Variants in ATL2 observed in about 807,000 individuals in gnomAD.
The protein encoded by ATL2 is atlastin-2.
In ATL2, 31 loss-of-function variants were observed where a neutral mutation model predicts 73.9. That is an observed-to-expected ratio of 0.42 (90% CI 0.32 to 0.57). The LOEUF is 0.57. Among genes scored for constraint, ATL2 ranks in the 20% least tolerant of loss-of-function variants. The probability of loss-of-function intolerance (pLI) is 0.14; values close to 1 mark genes in which losing one functional copy is unlikely to be tolerated. For missense variants in ATL2, 738 were observed against 702.6 expected (o/e 1.05, Z -0.57); for synonymous variants, 291 against 237.5 (o/e 1.23, Z -2.07).
intron 8 of ATL2, 72 bp downstream of exon 8, chr2:38,310,237 C>G: frequency 6.6e-7 from 1 of 1,519,740 alleles, no homozygotes; most frequent in South Asian, 1.2e-5. Flanking sequence ...TTTAAGGCGT[C>G]ATGTATTTTC....
intron 2 of ATL2, among the ~76,000 whole-genome samples, chr2:38,326,489 A>G (rs1404781742): frequency 6.6e-6 from 1 of 152,246 alleles, no homozygotes; most frequent in Non-Finnish European, 1.5e-5. Flanking sequence ...CAGATATGAT[A>G]TATTTCAGAA....
intron 9 of ATL2, among the ~76,000 whole-genome samples, chr2:38,304,028 C>G (rs1191172342): frequency 6.6e-6 from 1 of 152,112 alleles, no homozygotes; most frequent in Non-Finnish European, 1.5e-5. Context: ...CCTTGGCAGG[C>G]TGAGATGGGA....
chr2:38,330,019 C>T (rs541894772), intron 2 of ATL2, among the ~76,000 whole-genome samples: 1 of 152,064 alleles, frequency 6.6e-6, no homozygotes, highest in East Asian at 1.9e-4. Context: ...ATCCCAGCTA[C>T]TGTGGAGGCT....
At chr2:38,329,055 G>C (rs934960144) in intron 2 of ATL2, among the ~76,000 whole-genome samples, 1 of 146,656 alleles carries the variant, frequency 6.8e-6, no homozygotes, top group Non-Finnish European at 1.5e-5. Context: ...TAGTAACTTA[G>C]TTGAAATGGA....
chr2:38,377,955 C>T (rs1672082532), upstream of ATL2, among the ~76,000 whole-genome samples: 1 of 152,188 alleles, frequency 6.6e-6, no homozygotes, highest in Admixed American at 6.5e-5. Context: ...GCCCTGTGCT[C>T]CTAGCACCTT....
chr2:38,339,167 G>GACTGCGCT (rs1199558307), intron 2 of ATL2, among the ~76,000 whole-genome samples: 11 of 152,130 alleles, frequency 7.2e-5, no homozygotes, highest in African/African-American at 2.7e-4. Context: ...AGTGAGCCGA[G>GACTGCGCT]ACTGCGCTAC....
chr2:38,318,814 G>A lies in ATL2; in HGVS notation c.498+71C>T, dbSNP rs1668167781. 5 of 1,521,424 alleles carry A rather than the reference G, an allele frequency of 3.3e-6. No homozygotes were observed. The Admixed American group carries it at 7.6e-5, about 23-fold the overall frequency. The allele number at this position is 1,521,424 out of a possible 1,614,324, so 94.2% of individuals were successfully genotyped here. On this transcript the variant is annotated intron_variant, in intron 3 of 12. Coordinates refer to ENST00000378954, the MANE Select transcript of ATL2 (RefSeq NM_001135673.4). ...TATCAAACATTAATAGTTCTGTGTTGTTTTGATTTTTAATACTGGAAAATA... is the reference window on the plus strand; with the variant it reads ...TATCAAACATTAATAGTTCTGTGTTATTTTGATTTTTAATACTGGAAAATA...
At chr2:38,297,561 C>A (rs759369651) in intron 12 of ATL2, among the ~76,000 whole-genome samples, 1 of 152,146 alleles carries the variant, frequency 6.6e-6, no homozygotes, top group Non-Finnish European at 1.5e-5. Flanking sequence ...AAGATTACGA[C>A]GGAGCATGGT....
intron 1 of ATL2, among the ~76,000 whole-genome samples, chr2:38,373,708 A>G (rs1038080427): frequency 6.6e-6 from 1 of 152,260 alleles, no homozygotes; most frequent in Non-Finnish European, 1.5e-5. Context: ...GACACGTTCC[A>G]TAACTTGGAA....
chr2:38,330,553 A>G (rs933837627), intron 2 of ATL2, among the ~76,000 whole-genome samples: 1 of 152,340 alleles, frequency 6.6e-6, no homozygotes, highest in South Asian at 2.1e-4. Flanking sequence ...AACAAATTCA[A>G]TTTGTTTCAA....
chr2:38,318,770 A>T (rs1668165267), intron 3 of ATL2, 115 bp downstream of exon 3: 2 of 1,349,738 alleles, frequency 1.5e-6, no homozygotes, highest in Middle Eastern at 1.9e-4. Context: ...ATTTGACATA[A>T]TAATCCGTAT....
Position 38,377,246 on chromosome 2 carries a change from G to A in ATL2, c.15C>T (p.Asp5=), listed in dbSNP as rs771011648. 3.5e-5 allele frequency: 55 copies of A among 1,589,944 alleles called. No individual in the cohort carries two copies. Among genetic ancestry groups the A allele is most frequent in the East Asian group, 4.6e-5 (2 of 43,728 alleles). The part of the protein sequence containing the change: MAEG[D]EAARGQQPHQ... ...GCGGTTGCTGCCCTCGCGCTGCCTC[G>A]TCCCCCTCCGCCATCTTGTACCGAT... The change falls in exon 1 of 13, where the codon GAC becomes GAT. Residue 5 remains aspartate, a synonymous_variant. Transcript: ENST00000378954.
chr2:38,301,663 G>T (rs560198131), intron 9 of ATL2, among the ~76,000 whole-genome samples: 1 of 152,236 alleles, frequency 6.6e-6, no homozygotes, highest in Non-Finnish European at 1.5e-5. Context: ...CACCCATGGA[G>T]GAAGAATTTA....
At chr2:38,354,587 T>C (rs2124447323) in intron 1 of ATL2, among the ~76,000 whole-genome samples, 1 of 152,102 alleles carries the variant, frequency 6.6e-6, no homozygotes, top group East Asian at 1.9e-4. Context: ...AAAAAAGGTA[T>C]AGCTTAAAAA....
At chr2:38,354,469 G>T (rs1210289891) in intron 1 of ATL2, among the ~76,000 whole-genome samples, 1 of 152,122 alleles carries the variant, frequency 6.6e-6, no homozygotes. Context: ...ACACCCTAAG[G>T]TTATGATTTT....
intron 1 of ATL2, among the ~76,000 whole-genome samples, chr2:38,347,900 G>A (rs1670118968): frequency 6.6e-6 from 1 of 151,476 alleles, no homozygotes; most frequent in Non-Finnish European, 1.5e-5. Flanking sequence ...CAGAGTAGCT[G>A]GAACAACAGA....
intron 2 of ATL2, among the ~76,000 whole-genome samples, chr2:38,338,398 G>C (rs1669498919): frequency 1.3e-5 from 2 of 152,024 alleles, no homozygotes; most frequent in African/African-American, 2.4e-5. Context: ...CCAAACATCA[G>C]CATTAGGAAA....
chr2:38,316,522 TTATC>T (rs1431550975), intron 4 of ATL2, among the ~76,000 whole-genome samples: 1 of 152,116 alleles, frequency 6.6e-6, no homozygotes, highest in Admixed American at 6.6e-5. Flanking sequence ...AAATTATCAT[TTATC>T]TATCAGCCAG....
intron 2 of ATL2, among the ~76,000 whole-genome samples, chr2:38,337,486 C>CAAAAAAAAAAAAAAAAAAAAAAA (rs755029194): frequency 2.3e-4 from 5 of 21,658 alleles, no homozygotes; most frequent in African/African-American, 3.1e-4. Flanking sequence ...ACTCTGTCTC[C>CAAAAAAAAAAAAAAAAAAAAAAA]AAAAAAAAAA....
Sources: allele counts gnomAD v4.1 joint callset (sites outside exome capture counted in the v4.1 genomes callset), GRCh38; gene constraint gnomAD v4.1.1; transcripts MANE v1.5; gene names NCBI Gene and HGNC (gene_info 2026-07-23, HGNC 2026-07-21).